XKR4: variants seen among roughly 807,000 people sequenced by gnomAD.
The protein encoded by XKR4 is XK-related protein 4.
XKR4 carries 12 observed loss-of-function variants against 53.9 expected under a neutral mutation model. The observed-to-expected ratio is 0.22, with a 90% confidence interval of 0.14 to 0.36. The LOEUF (loss-of-function observed/expected upper bound fraction) is 0.36, where lower values mean the gene tolerates loss of function less well. Among genes scored for constraint, XKR4 ranks in the 10% least tolerant of loss-of-function variants. XKR4 has a pLI of 1.00. For missense variants in XKR4, 799 were observed against 859.5 expected, an observed-to-expected ratio of 0.93 and a Z score of 0.88; for synonymous variants, 354 against 362.4, an observed-to-expected ratio of 0.98 and a Z score of 0.26.
chr8:55,105,936 A>G (rs1303094940), intron 1 of XKR4, among the ~76,000 whole-genome samples: 2 of 152,122 alleles, frequency 1.3e-5, no homozygotes, highest in South Asian at 2.1e-4. Context: ...ACGAAGTGCA[A>G]CTCATCTCAG....
At chr8:55,250,118 A>G (rs576932944) in intron 1 of XKR4, among the ~76,000 whole-genome samples, 1 of 152,328 alleles carries the variant, frequency 6.6e-6, no homozygotes, top group East Asian at 1.9e-4. Flanking sequence ...AAGTTTTATA[A>G]TTCTTTCAGG....
intron 2 of XKR4, among the ~76,000 whole-genome samples, chr8:55,443,394 ATT>A (rs946584274): frequency 6.8e-6 from 1 of 147,254 alleles, no homozygotes; most frequent in Non-Finnish European, 1.5e-5. Context: ...ACCATGAGTG[ATT>A]TTTTTTTTTA....
At chr8:55,232,438 T>G (rs1397034646) in intron 1 of XKR4, among the ~76,000 whole-genome samples, 3 of 152,200 alleles carry the variant, frequency 2.0e-5, no homozygotes, top group Non-Finnish European at 4.4e-5. Flanking sequence ...CAAAGATGAA[T>G]CATACTCTAT....
intron 1 of XKR4, among the ~76,000 whole-genome samples, chr8:55,344,494 CTT>C (rs1404045743): frequency 6.6e-6 from 1 of 151,010 alleles, no homozygotes; most frequent in African/African-American, 2.4e-5. Flanking sequence ...CCAGTAGCCT[CTT>C]AATCATTTGA....
intron 2 of XKR4, among the ~76,000 whole-genome samples, chr8:55,382,573 A>G (rs183013791): frequency 4.6e-5 from 7 of 152,254 alleles, no homozygotes; most frequent in Admixed American, 4.6e-4. Flanking sequence ...AAAAGTTCAG[A>G]TCTTTGATTC....
chr8:55,385,486 CA>C (rs1804295265), intron 2 of XKR4, among the ~76,000 whole-genome samples: 1 of 152,232 alleles, frequency 6.6e-6, no homozygotes. Context: ...GAAAGTCAAG[CA>C]TCATGCTTTA....
Position 55,102,671 on chromosome 8 carries a change from C to T in XKR4, c.183C>T (p.Cys61=), listed in dbSNP as rs1291319712. Residue 61 remains cysteine, a synonymous_variant, in exon 1 of 3, where the codon TGC becomes TGT. Coordinates refer to ENST00000327381, the MANE Select transcript of XKR4 (RefSeq NM_052898.2). This position sits in a 1 kb window ranked among gnomAD's most constrained non-coding sequence, Gnocchi z 5.1. ...GGGCCPDGGG[C]SRCCCCCAGS... Reference sequence around the variant, plus strand: ...GCTGCTGCCCGGACGGCGGCGGCTGCTCGCGCTGCTGCTGCTGCTGCGCCG... The same window carrying T: ...GCTGCTGCCCGGACGGCGGCGGCTGTTCGCGCTGCTGCTGCTGCTGCGCCG... The T allele has an allele frequency of 1.5e-5, 19 of 1,235,208 alleles. No individual in the cohort carries two copies. The highest frequency in any genetic ancestry group is 1.9e-5 in the Non-Finnish European group (19 of 979,990). 76.5% of individuals were successfully genotyped at this position (1,235,208 alleles called of 1,614,324 possible).
intron 1 of XKR4, among the ~76,000 whole-genome samples, chr8:55,314,381 A>C (rs1038921753): frequency 6.6e-6 from 1 of 152,032 alleles, no homozygotes; most frequent in Non-Finnish European, 1.5e-5. Context: ...TCTGGGCTAA[A>C]GAAACCCTGG....
rs1159565619 is a variant in XKR4 at position 55,537,738 on chromosome 8, A to G, written c.*13511A>G. On this transcript the variant is annotated 3_prime_UTR_variant, in exon 3 of 3. Coordinates refer to ENST00000327381, the MANE Select transcript of XKR4 (RefSeq NM_052898.2). ...CAAACAGAATGTTTTTATGAAATCA[A>G]ATGGATCCTCCACTTTGTGTAGTAA... is the stretch of plus-strand genomic sequence containing the variant. The G allele has an allele frequency of 6.6e-6, 1 of 152,202 alleles. No individual in the cohort carries two copies. Among genetic ancestry groups the G allele is most frequent in the Non-Finnish European group, 1.5e-5 (1 of 68,034 alleles). 9.4% of individuals were successfully genotyped at this position (152,202 alleles called of 1,614,324 possible).
At chr8:55,422,342 A>G (rs1014140264) in intron 2 of XKR4, among the ~76,000 whole-genome samples, 1 of 152,234 alleles carries the variant, frequency 6.6e-6, no homozygotes, top group Non-Finnish European at 1.5e-5. Context: ...AATGCAATAC[A>G]TACAGTAGAC....
chr8:55,449,511 A>C lies in XKR4; in HGVS notation c.1007-73770A>C. 2.1e-6 allele frequency: 3 copies of C among 1,420,494 alleles called. No individual in the cohort carries two copies. The South Asian group carries it at 3.6e-5, about 17-fold the overall frequency. The allele number at this position is 1,420,494 out of a possible 1,614,324, so 88.0% of individuals were successfully genotyped here. The stretch of plus-strand genomic sequence containing the variant: ...GCAGCCAGGCAAGGTCGGGAGGCTC[A>C]GGCGTCCGACAGTCAGCTCTGGATC... On this transcript the variant is annotated intron_variant, in intron 2 of 2. Coordinates refer to ENST00000327381, the MANE Select transcript of XKR4 (RefSeq NM_052898.2).
chr8:55,509,379 A>T (rs1189512427), intron 2 of XKR4, among the ~76,000 whole-genome samples: 2 of 152,136 alleles, frequency 1.3e-5, no homozygotes, highest in African/African-American at 4.8e-5. Flanking sequence ...TTTCATTTCC[A>T]TCTTGTCCTT....
At chr8:55,444,420 CA>C (rs1230135364) in intron 2 of XKR4, among the ~76,000 whole-genome samples, 1 of 151,782 alleles carries the variant, frequency 6.6e-6, no homozygotes, top group Non-Finnish European at 1.5e-5. Context: ...AAAGACTTCA[CA>C]AAACAGGAAA....
chr8:55,278,996 AAAT>A (rs1818801809), intron 1 of XKR4, among the ~76,000 whole-genome samples: 1 of 152,220 alleles, frequency 6.6e-6, no homozygotes, highest in African/African-American at 2.4e-5. Flanking sequence ...AGCTTTTGGG[AAAT>A]AATTATTATT....
intron 2 of XKR4, among the ~76,000 whole-genome samples, chr8:55,483,560 G>C (rs1806146448): frequency 6.6e-6 from 1 of 151,958 alleles, no homozygotes; most frequent in Non-Finnish European, 1.5e-5. Flanking sequence ...ACGGATGCCA[G>C]GTGGAAACAC....
chr8:55,539,998 G>A lies in XKR4; in HGVS notation c.*15771G>A, dbSNP rs547630517. On this transcript the variant is annotated 3_prime_UTR_variant, in exon 3 of 3. Transcript: ENST00000327381. Reference sequence around the variant, plus strand: ...CAGAGTCTAGATTCTTCACCAAACAGATGAAAAGACAAGTAGAGACAACAT... The same window carrying A: ...CAGAGTCTAGATTCTTCACCAAACAAATGAAAAGACAAGTAGAGACAACAT... 1 of 152,262 alleles carries A rather than the reference G, an allele frequency of 6.6e-6. No homozygotes were observed. Among genetic ancestry groups the A allele is most frequent in the East Asian group, 1.9e-4 (1 of 5,172 alleles). 9.4% of individuals were successfully genotyped at this position (152,262 alleles called of 1,614,324 possible). A position where few individuals can be genotyped will look rare whatever the true frequency, so the allele number is the denominator to read the frequency against.
chr8:55,167,951 C>A (rs1355170187), intron 1 of XKR4, among the ~76,000 whole-genome samples: 2 of 152,084 alleles, frequency 1.3e-5, no homozygotes, highest in Non-Finnish European at 2.9e-5. Flanking sequence ...GAGTAACCAA[C>A]TGTAAAATGA....
intron 2 of XKR4, among the ~76,000 whole-genome samples, chr8:55,477,433 A>AGATAAAACCACAAAGATGGG (rs1236310501): frequency 6.6e-6 from 1 of 152,146 alleles, no homozygotes; most frequent in Non-Finnish European, 1.5e-5. Context: ...GACCAAAAGT[A>AGATAAAACCACAAAGATGGG]GATAAAACCA....
intron 2 of XKR4, among the ~76,000 whole-genome samples, chr8:55,399,867 A>G (rs575069054): frequency 4.6e-5 from 7 of 152,194 alleles, no homozygotes; most frequent in Non-Finnish European, 7.4e-5. Context: ...GGCTATGAGG[A>G]TGCAGGCACA....
Sources: gnomAD v4.1 joint callset for allele counts (sites outside exome capture counted in the v4.1 genomes callset) on GRCh38, gnomAD v4.1.1 for gene constraint, Gnocchi (gnomAD v3.1) non-coding constraint, MANE v1.5 for transcripts, NCBI Gene and HGNC (gene_info 2026-07-23, HGNC 2026-07-21) for gene names.